The following MEGF10 variants were observed in gnomAD, a reference collection of about 807,000 sequenced individuals.
MEGF10 encodes the protein multiple epidermal growth factor-like domains protein 10.
A neutral mutation model predicts 147.5 loss-of-function variants in MEGF10; 86 were observed. The observed-to-expected ratio is 0.58, with a 90% CI of 0.49 to 0.70. MEGF10 has a LOEUF of 0.70. Among genes scored for constraint, MEGF10 ranks in the 30% least tolerant of loss-of-function variants. The probability of loss-of-function intolerance (pLI) is 0.00; values close to 1 mark genes in which losing one functional copy is unlikely to be tolerated. For synonymous variants in MEGF10, 478 were observed against 525.5 expected (o/e 0.91, Z 1.24); for missense variants, 1,329 against 1,487.3 (o/e 0.89, Z 1.75).
At chr5:127,364,295 A>G (rs1176466506) in intron 4 of MEGF10, among the ~76,000 whole-genome samples, 2 of 152,198 alleles carry the variant, frequency 1.3e-5, no homozygotes, top group Non-Finnish European at 2.9e-5. Context: ...ACAGCCCTAG[A>G]CAACCAACTA....
In MEGF10 at chr5:127,433,503, C is replaced by T. The variant is rs771775552; in HGVS notation, c.1834C>T (p.Gln612Ter). ...CAPGFRGTTC[Q>*]RICSPGFYGH... ...ACCAGGCTTCCGAGGCACCACTTGT[C>T]AGAGGAGTAAGTGTCTCATTAGGCA... Residue 612 changes from glutamine to a stop codon, truncating the protein, a stop_gained, in exon 14 of 25, where the codon CAG becomes TAG. Coordinates refer to ENST00000503335, the MANE Select transcript of MEGF10 (RefSeq NM_001256545.2). LOFTEE classifies it high-confidence loss of function. 6.2e-7 allele frequency: 1 copy of T among 1,604,318 alleles called. No individual in the cohort carries two copies. Among genetic ancestry groups the T allele is most frequent in the Non-Finnish European group, 8.5e-7 (1 of 1,175,114 alleles).
chr5:127,253,970 A>T, the MEGF10 span, among the ~76,000 whole-genome samples: 11 of 152,102 alleles, frequency 7.2e-5, no homozygotes, highest in Non-Finnish European at 1.5e-4. Context: ...TTTTTGTCAA[A>T]GTCATACATA....
intron 4 of MEGF10, among the ~76,000 whole-genome samples, chr5:127,360,604 G>T (rs1762436615): frequency 6.6e-6 from 1 of 151,892 alleles, no homozygotes; most frequent in Non-Finnish European, 1.5e-5. Context: ...GACTATGTTA[G>T]TAGTAGGTTT....
chr5:127,337,493 A>G (rs760555119), intron 2 of MEGF10, among the ~76,000 whole-genome samples: 3 of 152,112 alleles, frequency 2.0e-5, no homozygotes, highest in Admixed American at 6.6e-5. Context: ...GAACCTCAGG[A>G]CACCGCTAGG....
chr5:127,319,206 G>A (rs1760695760), intron 1 of MEGF10, among the ~76,000 whole-genome samples: 1 of 151,984 alleles, frequency 6.6e-6, no homozygotes, highest in Admixed American at 6.6e-5. Flanking sequence ...CTCCCAAATA[G>A]CTGGGATTAC....
chr5:127,314,570 T>G (rs1440125305), intron 1 of MEGF10, among the ~76,000 whole-genome samples: 3 of 152,150 alleles, frequency 2.0e-5, no homozygotes, highest in African/African-American at 7.2e-5. Flanking sequence ...AAGTAGATCT[T>G]GGATGAGAAA....
At chr5:127,304,880 CA>C (rs1340041272) in intron 1 of MEGF10, among the ~76,000 whole-genome samples, 3 of 152,156 alleles carry the variant, frequency 2.0e-5, no homozygotes, top group Admixed American at 2.0e-4. Flanking sequence ...TACCAGAAAC[CA>C]AATTGGCTAG....
At chr5:127,235,658 T>C in the MEGF10 span, among the ~76,000 whole-genome samples, 1 of 152,368 alleles carries the variant, frequency 6.6e-6, no homozygotes, top group East Asian at 1.9e-4. Context: ...ATCACCTCAA[T>C]GGCTTCCTTG....
intron 4 of MEGF10, among the ~76,000 whole-genome samples, chr5:127,369,689 T>C (rs1762783314): frequency 6.6e-6 from 1 of 152,164 alleles, no homozygotes; most frequent in South Asian, 2.1e-4. Context: ...TAGAATAGAA[T>C]AGTAGAAATG....
At chr5:127,415,502 G>C (rs1327385642) in intron 9 of MEGF10, among the ~76,000 whole-genome samples, 1 of 152,174 alleles carries the variant, frequency 6.6e-6, no homozygotes, top group Admixed American at 6.5e-5. Flanking sequence ...GATGGCATTG[G>C]CTGGAGCAGA....
At chr5:127,438,638 A>C in intron 17 of MEGF10, 71 bp downstream of exon 17, 1 of 1,538,250 alleles carries the variant, frequency 6.5e-7, no homozygotes, top group Non-Finnish European at 8.9e-7. Context: ...TACCCTCCGC[A>C]TGCGTGACTG....
chr5:127,376,752 A>C (rs74955354), intron 5 of MEGF10, among the ~76,000 whole-genome samples: 2,529 of 152,318 alleles, frequency 0.017, 20 homozygotes, highest in Middle Eastern at 0.024. Flanking sequence ...ATAACATACT[A>C]TAAGATGGTT....
chr5:127,389,656 A>AT (rs1176651908), intron 5 of MEGF10, among the ~76,000 whole-genome samples: 1 of 152,226 alleles, frequency 6.6e-6, no homozygotes, highest in Non-Finnish European at 1.5e-5. Context: ...TATCCTTAGC[A>AT]TACTAATGCA....
chr5:127,294,835 T>TAATAATAATAATAATAAAAAA (rs56033520), intron 1 of MEGF10, among the ~76,000 whole-genome samples: 2 of 143,142 alleles, frequency 1.4e-5, no homozygotes, highest in South Asian at 2.2e-4. Flanking sequence ...ATAATAATAA[T>TAATAATAATAATAATAAAAAA]AAATAACTTG....
At chr5:127,338,480 G>C (rs377131644) in intron 2 of MEGF10, among the ~76,000 whole-genome samples, 5 of 152,096 alleles carry the variant, frequency 3.3e-5, no homozygotes, top group East Asian at 1.9e-4. Flanking sequence ...TTGGAAAACA[G>C]ACTATTTAAG....
chr5:127,251,101 A>C, the MEGF10 span, among the ~76,000 whole-genome samples: 4 of 152,096 alleles, frequency 2.6e-5, no homozygotes, highest in South Asian at 8.3e-4. Context: ...TTAACATGCT[A>C]TTTTATTGGT....
Position 127,458,002 on chromosome 5 carries a change from T to C in MEGF10, c.*684T>C, listed in dbSNP as rs1766427310. On this transcript the variant is annotated 3_prime_UTR_variant, in exon 25 of 25. Transcript: ENST00000503335. The stretch of plus-strand genomic sequence containing the variant: ...TAGTAGGAAGTATTGCAGAAGTCAA[T>C]ACACAAATGTGCCAGGCAGAGGTGG... 1 of 152,196 alleles carries C rather than the reference T, an allele frequency of 6.6e-6. No individual in the cohort carries two copies. Among genetic ancestry groups the C allele is most frequent in the South Asian group, 2.1e-4 (1 of 4,830 alleles). 9.4% of individuals were successfully genotyped at this position (152,196 alleles called of 1,614,324 possible).
rs78069165 is a variant in MEGF10, at chr5:127,396,571, G to C, written c.452G>C (p.Arg151Pro). ...CACTGGGGTCCCCACTGCACCAGCC[G>C]GTGCCAGTGCAAAAATGGGGCTCTG... ...GDHWGPHCTS[R>P]CQCKNGALCN... The change falls in exon 6 of 25, where the codon CGG (arginine) becomes CCG (proline). Residue 151 changes from arginine (R) to proline (P), a missense_variant. By Grantham distance (103) the Arg-to-Pro change is moderately radical (BLOSUM62 -2). Transcript: ENST00000503335. 4 of 1,594,694 alleles carry C rather than the reference G, an allele frequency of 2.5e-6. No individual in the cohort carries two copies. The East Asian group carries it at 9.0e-5, about 36-fold the overall frequency.
At chr5:127,322,464 A>G (rs1467007124) in intron 1 of MEGF10, among the ~76,000 whole-genome samples, 4 of 152,160 alleles carry the variant, frequency 2.6e-5, no homozygotes, top group South Asian at 2.1e-4. Context: ...CAATAATGCT[A>G]TCTGTTATCC....
Sources: gnomAD v4.1 joint callset for allele counts (sites outside exome capture counted in the v4.1 genomes callset) on GRCh38, gnomAD v4.1.1 for gene constraint, MANE v1.5 for transcripts, NCBI Gene and HGNC (gene_info 2026-07-23, HGNC 2026-07-21) for gene names.